PPP1R2: variants seen among roughly 807,000 people sequenced by gnomAD.
PPP1R2 encodes the protein protein phosphatase 1 regulatory inhibitor subunit 2.
PPP1R2 carries 16 observed loss-of-function variants against 29.9 expected under a neutral mutation model. The ratio of observed to expected loss-of-function variants is 0.53; its 90% CI spans 0.36 to 0.81. The LOEUF (loss-of-function observed/expected upper bound fraction) is 0.81, where lower values mean the gene tolerates loss of function less well. Among genes scored for constraint, PPP1R2 ranks in the 30% least tolerant of loss-of-function variants. PPP1R2 has a pLI of 0.00. For synonymous variants in PPP1R2, 76 were observed against 91.5 expected, an observed-to-expected ratio of 0.83 and a Z score of 0.96; for missense variants, 197 against 252.7, an observed-to-expected ratio of 0.78 and a Z score of 1.49.
In PPP1R2 at chr3:195,543,125, C is replaced by T. The variant is rs1719669484; in HGVS notation, c.-100G>A. 7.0e-7 allele frequency: 1 copy of T among 1,437,328 alleles called. No homozygotes were observed. Among genetic ancestry groups the T allele is most frequent in the African/African-American group, 1.5e-5 (1 of 68,840 alleles). 89.0% of individuals were successfully genotyped at this position (1,437,328 alleles called of 1,614,324 possible). On this transcript the variant is annotated 5_prime_UTR_variant, in exon 1 of 6. Coordinates refer to ENST00000618156, the MANE Select transcript of PPP1R2 (RefSeq NM_006241.8). ...GAGACTCGCAGGCAGCCGCAGATCC[C>T]GCTCAGGGCTAAAGCGGCCGCAACT...
At chr3:195,532,083 T>G (rs1719200827) in intron 1 of PPP1R2, among the ~76,000 whole-genome samples, 2 of 151,912 alleles carry the variant, frequency 1.3e-5, no homozygotes, top group South Asian at 4.2e-4. Flanking sequence ...CAGGCTAGAG[T>G]AAAGTGGCAT....
chr3:195,542,830 C>A (rs113458908), intron 1 of PPP1R2, 74 bp downstream of exon 1: 3 of 1,448,320 alleles, frequency 2.1e-6, no homozygotes, highest in Non-Finnish European at 2.7e-6. Flanking sequence ...GCCGCCCGCC[C>A]GCCCCTGGGG....
chr3:195,520,104 G>C (rs1316339091), intron 4 of PPP1R2, among the ~76,000 whole-genome samples: 1 of 151,998 alleles, frequency 6.6e-6, no homozygotes. Context: ...TAGCCTCCTA[G>C]GTTTAAGCGA....
At chr3:195,518,588 T>C (rs1718637428) in intron 5 of PPP1R2, among the ~76,000 whole-genome samples, 1 of 151,692 alleles carries the variant, frequency 6.6e-6, no homozygotes, top group African/African-American at 2.4e-5. Context: ...GAGGCGGAGC[T>C]TGCAGTGAGC....
At chr3:195,524,948 A>G in intron 2 of PPP1R2, 52 bp from the exon 3 acceptor site, 1 of 1,508,164 alleles carries the variant, frequency 6.6e-7, no homozygotes, top group Non-Finnish European at 9.2e-7. Context: ...ATTTTCAGCC[A>G]CAAAAACAAG....
chr3:195,543,087 G>A lies in PPP1R2; in HGVS notation c.-62C>T, dbSNP rs1719667449. ...TTGGCGTGGGGTCCGCGAAGAGAAG[G>A]GTCGGCACAGCAGAGACTCGCAGGC... On this transcript the variant is annotated 5_prime_UTR_variant, in exon 1 of 6. Transcript: ENST00000618156. 2.6e-6 allele frequency: 4 copies of A among 1,550,920 alleles called. No homozygotes were observed. Among genetic ancestry groups the A allele is most frequent in the Non-Finnish European group, 2.6e-6 (3 of 1,148,448 alleles).
At chr3:195,527,805 G>A (rs548556249) in intron 2 of PPP1R2, 34 of 240,536 alleles carry the variant, frequency 1.4e-4, no homozygotes, top group African/African-American at 7.2e-4. Context: ...GTTCCAGGCT[G>A]TAGTGTGCTA....
Position 195,516,913 on chromosome 3 carries a change from T to C in PPP1R2, c.601A>G (p.Lys201Glu), listed in dbSNP as rs1196204298. Residue 201 changes from lysine to glutamate, a missense_variant, in exon 6 of 6, where the codon AAA (lysine) becomes GAA (glutamate). Around this residue, in one of 3 missense-constraint regions of PPP1R2, gnomAD observed 135 missense variants for 163.0 expected, o/e 0.83. Coordinates refer to ENST00000618156, the MANE Select transcript of PPP1R2 (RefSeq NM_006241.8). ...AATCTCGTCTATGAACTTCGTAATTTGTTTTGCTGTTGGTCACTTGGAGTA... is the reference window on the plus strand; with the variant it reads ...AATCTCGTCTATGAACTTCGTAATTCGTTTTGCTGTTGGTCACTTGGAGTA... The part of the protein sequence containing the change: ...GSTPSDQQQN[K>E]LRSS The C allele has an allele frequency of 6.2e-7, 1 of 1,612,748 alleles. No homozygotes were observed. Among genetic ancestry groups the C allele is most frequent in the Non-Finnish European group, 8.5e-7 (1 of 1,179,056 alleles).
chr3:195,537,020 T>G (rs998129513), intron 1 of PPP1R2, among the ~76,000 whole-genome samples: 28 of 151,864 alleles, frequency 1.8e-4, no homozygotes, highest in Admixed American at 1.8e-3. Flanking sequence ...ATAAACACAA[T>G]CCCAGCACCC....
intron 4 of PPP1R2, among the ~76,000 whole-genome samples, chr3:195,521,562 C>A (rs1718764491): frequency 3.3e-5 from 5 of 151,814 alleles, no homozygotes; most frequent in Admixed American, 3.3e-4. Flanking sequence ...GTTTTTAAGA[C>A]TATATATATA....
chr3:195,537,519 G>GTGTGTGTGTGTGTGTGTGTGTGTGTGTT (rs1338052818), intron 1 of PPP1R2, among the ~76,000 whole-genome samples: 6 of 150,168 alleles, frequency 4.0e-5, no homozygotes, highest in Non-Finnish European at 8.9e-5. Flanking sequence ...GTGTGTGTGT[G>GTGTGTGTGTGTGTGTGTGTGTGTGTGTT]TTTCCATTTC....
At chr3:195,527,870 T>C in intron 2 of PPP1R2, 1 of 177,214 alleles carries the variant, frequency 5.6e-6, no homozygotes, top group Non-Finnish European at 1.2e-5. Context: ...ATCTTGTATC[T>C]TTTTTTTTTT....
chr3:195,524,991 T>C (rs1449460932), intron 2 of PPP1R2, 95 bp from the exon 3 acceptor site: 1 of 964,122 alleles, frequency 1.0e-6, no homozygotes, highest in Non-Finnish European at 1.7e-6. Flanking sequence ...CTACTTAACA[T>C]ATCAATATAT....
chr3:195,528,491 A>G lies in PPP1R2; in HGVS notation c.230+1303T>C, dbSNP rs540279257. 8.5e-5 allele frequency among the ~76,000 whole-genome samples: 13 copies of G among 152,178 alleles called. No homozygotes were observed. The South Asian group carries it at 1.2e-3, about 15-fold the overall frequency. Reference sequence around the variant, plus strand: ...TATTTTTACTGTTTTTGTTAGTAACAGGTTATTTCAAATTATCTTCCAAAG... The same window carrying G: ...TATTTTTACTGTTTTTGTTAGTAACGGGTTATTTCAAATTATCTTCCAAAG... On this transcript the variant is annotated intron_variant, in intron 2 of 5. Coordinates refer to ENST00000618156, the MANE Select transcript of PPP1R2 (RefSeq NM_006241.8).
intron 2 of PPP1R2, 37 bp downstream of exon 2, chr3:195,529,757 G>A: frequency 7.1e-7 from 1 of 1,399,798 alleles, no homozygotes; most frequent in Non-Finnish European, 9.8e-7. Context: ...CAAAATGGAA[G>A]TAAGTCACAA....
chr3:195,537,484 TGTGTG>T (rs1719436037), intron 1 of PPP1R2, among the ~76,000 whole-genome samples: 6 of 117,850 alleles, frequency 5.1e-5, no homozygotes, highest in Admixed American at 1.6e-4. Context: ...TTAGCTATTG[TGTGTG>T]TGTGTGTGTG....
At chr3:195,525,552 G>A (rs1163858749) in intron 2 of PPP1R2, among the ~76,000 whole-genome samples, 6 of 152,134 alleles carry the variant, frequency 3.9e-5, no homozygotes, top group Non-Finnish European at 8.8e-5. Flanking sequence ...TCACTGTCTG[G>A]TTTTAGAACA....
intron 1 of PPP1R2, among the ~76,000 whole-genome samples, chr3:195,541,415 A>G (rs1413495052): frequency 6.9e-6 from 1 of 145,654 alleles, no homozygotes; most frequent in Non-Finnish European, 1.5e-5. Flanking sequence ...AGCCTTCTGT[A>G]GTTACGTTAC....
chr3:195,536,969 A>C lies in PPP1R2; in HGVS notation c.122+5935T>G, dbSNP rs183698707. Among the ~76,000 whole-genome samples, 97 of 152,130 alleles carry C rather than the reference A, an allele frequency of 6.4e-4. 1 individual carries two copies. The highest frequency in any genetic ancestry group is 6.4e-3 in the Admixed American group (97 of 15,272). ...TTGAAGAAAAAGAACTACAGAACACAAGCAGAAATTAAGTTTTCTTGAAAT... is the reference window on the plus strand; with the variant it reads ...TTGAAGAAAAAGAACTACAGAACACCAGCAGAAATTAAGTTTTCTTGAAAT... On this transcript the variant is annotated intron_variant, in intron 1 of 5. Coordinates refer to ENST00000618156, the MANE Select transcript of PPP1R2 (RefSeq NM_006241.8).
Sources: allele counts gnomAD v4.1 joint callset (sites outside exome capture counted in the v4.1 genomes callset), GRCh38; gene constraint gnomAD v4.1.1; regional missense constraint gnomAD v4.1.1; transcripts MANE v1.5; gene names NCBI Gene and HGNC (gene_info 2026-07-23, HGNC 2026-07-21).